The following ZSCAN21 variants were observed in gnomAD, a reference collection of about 807,000 sequenced individuals.
The protein encoded by ZSCAN21 is zinc finger and SCAN domain containing 21, also known as zinc finger and SCAN domain-containing protein 21.
In ZSCAN21, 26 loss-of-function variants were observed where a neutral mutation model predicts 35.6. The ratio of observed to expected loss-of-function variants is 0.73; its 90% CI spans 0.54 to 1.01. The LOEUF (loss-of-function observed/expected upper bound fraction) is 1.01, where lower values mean the gene tolerates loss of function less well. Among genes scored for constraint, ZSCAN21 ranks in the 50% least tolerant of loss-of-function variants. The pLI, the probability that ZSCAN21 is intolerant of heterozygous loss-of-function variation, is 0.00. For missense variants in ZSCAN21, 593 were observed against 587.1 expected (o/e 1.01, Z -0.10); for synonymous variants, 219 against 219.3 (o/e 1.00, Z 0.01).
At chr7:100,063,741 C>A in intron 3 of ZSCAN21, 47 bp from the exon 4 acceptor site, 1 of 1,532,226 alleles carries the variant, frequency 6.5e-7, no homozygotes, top group South Asian at 1.3e-5. Flanking sequence ...GTTTCTTCCT[C>A]AGAACAAGAA....
chr7:100,058,915 A>G (rs763820692), intron 3 of ZSCAN21, among the ~76,000 whole-genome samples: 12 of 152,158 alleles, frequency 7.9e-5, no homozygotes, highest in Admixed American at 2.6e-4. Flanking sequence ...AGCTGGCCCT[A>G]TGTTATTTTG....
chr7:100,054,170 G>A (rs1477549958), intron 1 of ZSCAN21, among the ~76,000 whole-genome samples: 2 of 151,876 alleles, frequency 1.3e-5, no homozygotes, highest in Non-Finnish European at 2.9e-5. Context: ...CACTCCTGTG[G>A]TATGTACTGA....
chr7:100,057,638 T>C, intron 2 of ZSCAN21, 60 bp from the exon 3 acceptor site: 1 of 1,494,106 alleles, frequency 6.7e-7, no homozygotes, highest in Non-Finnish European at 9.0e-7. Flanking sequence ...CTACTGGGAT[T>C]TTCATTCTTG....
chr7:100,054,063 T>A (rs981984619), intron 1 of ZSCAN21, among the ~76,000 whole-genome samples: 1 of 151,710 alleles, frequency 6.6e-6, no homozygotes, highest in African/African-American at 2.4e-5. Flanking sequence ...CATTATTTCT[T>A]GTTTATTTTA....
rs1405574975 is a variant in ZSCAN21 at position 100,057,359 on chromosome 7, C to T, written c.353C>T (p.Thr118Ile). The change falls in exon 2 of 4, where the codon ACT (threonine) becomes ATT (isoleucine). Residue 118 changes from threonine to isoleucine, a missense_variant. Coordinates refer to ENST00000292450, the MANE Select transcript of ZSCAN21 (RefSeq NM_145914.3). ...CCGGAGAGCGCTGAAGAGGCTGTCACTCTCCTCGAAGATCTGGAGCGGGAA... is the reference window on the plus strand; with the variant it reads ...CCGGAGAGCGCTGAAGAGGCTGTCATTCTCCTCGAAGATCTGGAGCGGGAA... ...HCPESAEEAVTLLEDLERELD... is the reference protein window; with the variant it reads ...HCPESAEEAVILLEDLERELD... 7.6e-6 allele frequency: 12 copies of T among 1,583,978 alleles called. No homozygotes were observed. The highest frequency in any genetic ancestry group is 2.7e-5 in the African/African-American group (2 of 73,962).
In ZSCAN21 at chr7:100,064,167, C is replaced by G; in HGVS notation, c.972C>G (p.Tyr324Ter). Residue 324 changes from tyrosine (Y) to a stop codon, truncating the protein, a stop_gained, in exon 4 of 4, where the codon TAC (tyrosine) becomes TAG (stop). Transcript: ENST00000292450. LOFTEE classifies it high-confidence loss of function. ...FSHSSNLTLHYRTHLVDRPYD... is the reference protein window; with the variant it reads ...FSHSSNLTLH Reference sequence around the variant, plus strand: ...ACAGCTCAAACCTCACCCTCCACTACAGAACACACTTGGTGGACCGGCCCT... The same window carrying G: ...ACAGCTCAAACCTCACCCTCCACTAGAGAACACACTTGGTGGACCGGCCCT... The G allele has an allele frequency of 6.2e-7, 1 of 1,614,108 alleles. No homozygotes were observed. Among genetic ancestry groups the G allele is most frequent in the Non-Finnish European group, 8.5e-7 (1 of 1,180,016 alleles).
chr7:100,057,285 C>G lies in ZSCAN21; in HGVS notation c.279C>G (p.Phe93Leu). Reference sequence around the variant, plus strand: ...TGGAGCTACTGGTGCTGGAGCAGTTCCTGACCATCCTGCCCCAGGAGCTCC... The same window carrying G: ...TGGAGCTACTGGTGCTGGAGCAGTTGCTGACCATCCTGCCCCAGGAGCTCC... ...QILELLVLEQFLTILPQELQA... is the reference protein window; with the variant it reads ...QILELLVLEQLLTILPQELQA... Residue 93 changes from phenylalanine (F) to leucine (L), a missense_variant, in exon 2 of 4, where the codon TTC becomes TTG. Physicochemically the swap from Phe to Leu is conservative, Grantham distance 22 (BLOSUM62 0). Coordinates refer to ENST00000292450, the MANE Select transcript of ZSCAN21 (RefSeq NM_145914.3). 1 of 1,613,716 alleles carries G rather than the reference C, an allele frequency of 6.2e-7. No homozygotes were observed.
In ZSCAN21 at chr7:100,057,833, T is replaced by C; in HGVS notation, c.535T>C (p.Tyr179His). Residue 179 changes from tyrosine (Y) to histidine (H), a missense_variant, in exon 3 of 4, where the codon TAC (tyrosine) becomes CAC (histidine). By Grantham distance (83) the Tyr-to-His change is moderately conservative (BLOSUM62 2). Coordinates refer to ENST00000292450, the MANE Select transcript of ZSCAN21 (RefSeq NM_145914.3). ...SHKYESWGPL[Y>H]IQESGEEQEF... ...CAAATACGAGTCTTGGGGGCCCCTG[T>C]ACATCCAAGAGTCTGGTGAGGAGCA... is the stretch of plus-strand genomic sequence containing the variant. 1 of 1,613,900 alleles carries C rather than the reference T, an allele frequency of 6.2e-7. No homozygotes were observed. The highest frequency in any genetic ancestry group is 8.5e-7 in the Non-Finnish European group (1 of 1,179,910).
rs183909674 is a variant in ZSCAN21 at position 100,056,164 on chromosome 7, C to T, written c.-96-747C>T. On this transcript the variant is annotated intron_variant, in intron 1 of 3. Coordinates refer to ENST00000292450, the MANE Select transcript of ZSCAN21 (RefSeq NM_145914.3). ...CCGTGTTAGCCAGGATGGTCTCGAT[C>T]TCCTGACCTCGTGATCCGCCCACCT... 2.0e-3 allele frequency among the ~76,000 whole-genome samples: 297 copies of T among 151,950 alleles called. 2 individuals carry two copies. The highest frequency in any genetic ancestry group is 6.9e-3 in the African/African-American group (287 of 41,442).
intron 1 of ZSCAN21, among the ~76,000 whole-genome samples, chr7:100,055,004 G>A (rs563753173): frequency 9.0e-4 from 132 of 146,868 alleles, no homozygotes; most frequent in Middle Eastern, 3.6e-3. Flanking sequence ...CACCCAGGCT[G>A]GAGTGCAGTG....
intron 1 of ZSCAN21, among the ~76,000 whole-genome samples, chr7:100,052,394 A>G (rs1187750406): frequency 6.6e-6 from 1 of 152,010 alleles, no homozygotes; most frequent in African/African-American, 2.4e-5. Context: ...GTGCCACTGC[A>G]CTCCAGTCTA....
At chr7:100,057,648 G>T in intron 2 of ZSCAN21, 50 bp from the exon 3 acceptor site, 1 of 1,506,990 alleles carries the variant, frequency 6.6e-7, no homozygotes, top group Non-Finnish European at 9.0e-7. Context: ...TTTCATTCTT[G>T]GTCTTAAAGT....
At chr7:100,059,951 G>A (rs936832774) in intron 3 of ZSCAN21, among the ~76,000 whole-genome samples, 2 of 151,400 alleles carry the variant, frequency 1.3e-5, no homozygotes, top group Non-Finnish European at 2.9e-5. Context: ...CTCATGATCC[G>A]CCCTCCTCGG....
In ZSCAN21 at chr7:100,063,962, AG is replaced by A. The variant is rs763401187; in HGVS notation, c.769del (p.Ala257GlnfsTer229). On this transcript the variant is annotated frameshift_variant, in exon 4 of 4. Coordinates refer to ENST00000292450, the MANE Select transcript of ZSCAN21 (RefSeq NM_145914.3). LOFTEE classifies it high-confidence loss of function. The stretch of plus-strand genomic sequence containing the variant: ...AAAGGAACAAAACCCCCTCTTCAAG[AG>A]GCAGGCTCCAAGAAAGGTAGAGAAT... ...NEKGTKPPLQEAGSKKGRESV... is the reference protein window; with the variant it reads ...NEKGTKPPLQXAGSKKGRESV... The A allele has an allele frequency of 6.2e-7, 1 of 1,614,070 alleles. No homozygotes were observed. The highest frequency in any genetic ancestry group is 8.5e-7 in the Non-Finnish European group (1 of 1,180,026).
chr7:100,057,797 G>A lies in ZSCAN21; in HGVS notation c.499G>A (p.Glu167Lys). The stretch of plus-strand genomic sequence containing the variant: ...GAGCAGCATGCAGCCACAGCCCTTG[G>A]AGACCAGTCACAAATACGAGTCTTG... The part of the protein sequence containing the change: ...SPSSMQPQPL[E>K]TSHKYESWGP... The change falls in exon 3 of 4, where the codon GAG (glutamate) becomes AAG (lysine). Residue 167 changes from glutamate to lysine, a missense_variant. Coordinates refer to ENST00000292450, the MANE Select transcript of ZSCAN21 (RefSeq NM_145914.3). The A allele has an allele frequency of 5.6e-6, 9 of 1,614,104 alleles. No individual in the cohort carries two copies. The highest frequency in any genetic ancestry group is 7.6e-6 in the Non-Finnish European group (9 of 1,180,016).
chr7:100,056,891 T>C lies in ZSCAN21; in HGVS notation c.-96-20T>C. On this transcript the variant is annotated intron_variant, in intron 1 of 3. Transcript: ENST00000292450. ...AACACTTTTCAGTTTGATTATTTTT[T>C]GGTAACTATATTTTCTTAGGTTTAA... is the stretch of plus-strand genomic sequence containing the variant. 1 of 1,099,782 alleles carries C rather than the reference T, an allele frequency of 9.1e-7. No homozygotes were observed. The allele number at this position is 1,099,782 out of a possible 1,614,324, so 68.1% of individuals were successfully genotyped here.
intron 3 of ZSCAN21, among the ~76,000 whole-genome samples, chr7:100,062,126 C>T (rs1215366304): frequency 1.3e-5 from 2 of 151,966 alleles, no homozygotes; most frequent in Non-Finnish European, 2.9e-5. Context: ...GTCAGAATGC[C>T]CTCTGATTGC....
intron 3 of ZSCAN21, among the ~76,000 whole-genome samples, chr7:100,060,566 AT>A (rs1412219403): frequency 5.3e-5 from 8 of 150,678 alleles, no homozygotes; most frequent in Admixed American, 5.3e-4. Context: ...ATCTCAAAAA[AT>A]AAAAAAAAAA....
chr7:100,062,693 G>C (rs1792379926), intron 3 of ZSCAN21, among the ~76,000 whole-genome samples: 1 of 151,546 alleles, frequency 6.6e-6, no homozygotes, highest in African/African-American at 2.4e-5. Context: ...TAGCCAACAT[G>C]GTGAAACCCC....
Sources: allele counts gnomAD v4.1 joint callset (sites outside exome capture counted in the v4.1 genomes callset), GRCh38; gene constraint gnomAD v4.1.1; transcripts MANE v1.5; gene names NCBI Gene and HGNC (gene_info 2026-07-23, HGNC 2026-07-21).